The following RAB9B variants were observed in gnomAD, a reference collection of about 807,000 sequenced individuals.
RAB9B encodes the protein RAB9B, member RAS oncogene family, also known as ras-related protein Rab-9B.
A neutral mutation model predicts 8.9 loss-of-function variants in RAB9B; 1 was observed. That is an observed-to-expected ratio of 0.11 (90% confidence interval 0.04 to 0.53). RAB9B has a LOEUF of 0.53. Among genes scored for constraint, RAB9B ranks in the 20% least tolerant of loss-of-function variants. The pLI is 0.93. For missense variants in RAB9B, 82 were observed against 152.9 expected (o/e 0.54, Z 2.45); for synonymous variants, 63 against 57.0 (o/e 1.10, Z -0.47).
chrX:103,802,114 G>A, the RAB9B span, among the ~76,000 whole-genome samples: 9 of 109,376 alleles, frequency 8.2e-5, no homozygotes, highest in South Asian at 3.3e-3. Context: ...GCATGTTTAA[G>A]GACAATATTA....
Position 103,825,090 on chromosome X carries a change from TGC to T in RAB9B, c.*87_*88del. The T allele has an allele frequency of 2.1e-6, 2 of 944,033 alleles. No homozygotes were observed. The highest frequency in any genetic ancestry group is 1.5e-6 in the Non-Finnish European group (1 of 685,308). The allele number at this position is 944,033 out of a possible 1,213,427, so 77.8% of individuals were successfully genotyped here. ...GAACCTTGTCTCTTACCCTCTTGTG[TGC>T]GTGTGTGTGCACTCTTAGAGGGGCA... On this transcript the variant is annotated 3_prime_UTR_variant, in exon 3 of 3. Transcript: ENST00000243298.
At chrX:103,817,599 TC>T (rs1209785515), downstream of RAB9B, among the ~76,000 whole-genome samples, 3 of 109,794 alleles carry the variant, frequency 2.7e-5, no homozygotes, top group African/African-American at 9.9e-5. Flanking sequence ...ATATATACTC[TC>T]TCTATATATA....
At chrX:103,813,111 C>T in the RAB9B span, among the ~76,000 whole-genome samples, 25 of 109,186 alleles carry the variant, frequency 2.3e-4, no homozygotes, top group Non-Finnish European at 3.6e-4. Flanking sequence ...TTAGTAGAGA[C>T]GGGGTTTCAC....
At chrX:103,780,017 C>T in the RAB9B span, 3 of 112,854 alleles carry the variant, frequency 2.7e-5, no homozygotes. Context: ...GCTTTTCCTT[C>T]CTTTCCTGCT....
At chrX:103,815,754 T>C in the RAB9B span, among the ~76,000 whole-genome samples, 1 of 112,148 alleles carries the variant, frequency 8.9e-6, no homozygotes, top group East Asian at 2.8e-4. Context: ...ACAAAATCAA[T>C]GTGCAAAAAT....
chrX:103,793,960 C>T, the RAB9B span, among the ~76,000 whole-genome samples: 64 of 112,498 alleles, frequency 5.7e-4, no homozygotes, highest in South Asian at 3.0e-3. Context: ...GAAGCTGCAG[C>T]TTTGTCCAGA....
chrX:103,777,388 C>T, the RAB9B span, among the ~76,000 whole-genome samples: 1 of 111,804 alleles, frequency 8.9e-6, no homozygotes, highest in Non-Finnish European at 1.9e-5. Context: ...GTCTAGCCCT[C>T]AGATGTACAA....
chrX:103,809,461 C>T, the RAB9B span, among the ~76,000 whole-genome samples: 1 of 111,774 alleles, frequency 8.9e-6, no homozygotes, highest in Admixed American at 9.5e-5. Flanking sequence ...CCACCACACC[C>T]GGCTAATTTT....
the RAB9B span, among the ~76,000 whole-genome samples, chrX:103,809,924 C>A: frequency 9.0e-6 from 1 of 110,909 alleles, no homozygotes; most frequent in Non-Finnish European, 1.9e-5. Context: ...GCCACTGTAC[C>A]TGGCTTAATT....
At chrX:103,811,609 T>G in the RAB9B span, among the ~76,000 whole-genome samples, 1 of 111,435 alleles carries the variant, frequency 9.0e-6, no homozygotes, top group Non-Finnish European at 1.9e-5. Flanking sequence ...AATTTAAAAA[T>G]GTATCATGCA....
chrX:103,826,466 A>G (rs1213364265), intron 2 of RAB9B, among the ~76,000 whole-genome samples: 1 of 112,105 alleles, frequency 8.9e-6, no homozygotes, highest in Non-Finnish European at 1.9e-5. Context: ...ATGACAATTG[A>G]CTGATATCAA....
Position 103,823,265 on chromosome X carries a change from G to A in RAB9B, c.*1914C>T, listed in dbSNP as rs2074669794. On this transcript the variant is annotated 3_prime_UTR_variant, in exon 3 of 3. Transcript: ENST00000243298. ...CCAGTGTGGCTGGCTATAGGCATAG[G>A]CAGGATAGGGACCAGTACTTAAGAG... 1 of 112,048 alleles carries A rather than the reference G, an allele frequency of 8.9e-6. No homozygotes were observed. The highest frequency in any genetic ancestry group is 3.2e-5 in the African/African-American group (1 of 30,807). 9.2% of individuals were successfully genotyped at this position (112,048 alleles called of 1,213,427 possible). A position where few individuals can be genotyped will look rare whatever the true frequency, so the allele number is the denominator to read the frequency against.
At chrX:103,804,692 T>G in the RAB9B span, among the ~76,000 whole-genome samples, 1 of 112,264 alleles carries the variant, frequency 8.9e-6, no homozygotes, top group Admixed American at 9.5e-5. Flanking sequence ...CTTGTTTAAC[T>G]TATTTCAATG....
downstream of RAB9B, among the ~76,000 whole-genome samples, chrX:103,818,317 C>T (rs980391758): frequency 1.2e-4 from 13 of 111,689 alleles, no homozygotes; most frequent in African/African-American, 1.6e-4. Context: ...ATAGTCCATA[C>T]GTTTGGGTGT....
At chrX:103,789,528 C>A in the RAB9B span, 3 of 572,317 alleles carry the variant, frequency 5.2e-6, no homozygotes, top group Non-Finnish European at 6.2e-6. Flanking sequence ...GGGAAGATAG[C>A]AAAGGGTGGA....
chrX:103,790,735 G>A, the RAB9B span: 24 of 546,059 alleles, frequency 4.4e-5, no homozygotes, highest in Non-Finnish European at 7.3e-5. Flanking sequence ...CAAGAAAGGA[G>A]AGTCTTGCAG....
chrX:103,785,325 C>T, the RAB9B span, among the ~76,000 whole-genome samples: 1 of 112,514 alleles, frequency 8.9e-6, no homozygotes, highest in African/African-American at 3.2e-5. Context: ...GATCCACCTG[C>T]CTCAGCCTCC....
chrX:103,795,707 T>G, the RAB9B span, among the ~76,000 whole-genome samples: 1 of 111,887 alleles, frequency 8.9e-6, no homozygotes, highest in African/African-American at 3.2e-5. Context: ...CAAAAAAAAG[T>G]GAAGAGAAAC....
At chrX:103,811,134 G>A in the RAB9B span, among the ~76,000 whole-genome samples, 1 of 111,628 alleles carries the variant, frequency 9.0e-6, no homozygotes, top group Admixed American at 9.6e-5. Flanking sequence ...TTCAAAAAAT[G>A]GTAAGTTTTC....
Sources: gnomAD v4.1 joint callset for allele counts (sites outside exome capture counted in the v4.1 genomes callset) on GRCh38, gnomAD v4.1.1 for gene constraint, MANE v1.5 for transcripts, NCBI Gene and HGNC (gene_info 2026-07-23, HGNC 2026-07-21) for gene names.